The following ANKFN1 variants were observed in gnomAD, a reference collection of about 807,000 sequenced individuals.
ANKFN1 encodes the protein ankyrin repeat and fibronectin type III domain containing 1.
In ANKFN1, 74 loss-of-function variants were observed where a neutral mutation model predicts 108.7. The observed-to-expected ratio is 0.68, with a 90% CI of 0.56 to 0.83. The LOEUF is 0.83. Ranked by LOEUF, ANKFN1 falls within the 40% of genes least tolerant of loss-of-function variation. The pLI, the probability that ANKFN1 is intolerant of heterozygous loss-of-function variation, is 0.00. For missense variants in ANKFN1, 1,505 were observed against 1,382.3 expected, an observed-to-expected ratio of 1.09 and a Z score of -1.41; for synonymous variants, 547 against 516.2, an observed-to-expected ratio of 1.06 and a Z score of -0.81.
rs571675415 is a variant in ANKFN1 at position 56,134,958 on chromosome 17, G to A, written c.288+88633G>A. Among the ~76,000 whole-genome samples the A allele has an allele frequency of 1.1e-3, 169 of 152,216 alleles. 1 individual carries two copies. Among genetic ancestry groups the A allele is most frequent in the Non-Finnish European group, 2.0e-3 (139 of 68,008 alleles). Reference sequence around the variant, plus strand: ...GTTGTGATTTCAGAGTTGAGTAGGGGCACTCTTTTTCCTGAAGGCTGAATC... The same window carrying A: ...GTTGTGATTTCAGAGTTGAGTAGGGACACTCTTTTTCCTGAAGGCTGAATC... On this transcript the variant is annotated intron_variant, in intron 4 of 12. Transcript: ENST00000635860.
chr17:56,090,351 G>A (rs1046103918), intron 4 of ANKFN1, among the ~76,000 whole-genome samples: 1 of 151,230 alleles, frequency 6.6e-6, no homozygotes, highest in Admixed American at 6.6e-5. Context: ...GGTAAACTTT[G>A]TAAGGACTTC....
At chr17:56,258,228 T>A (rs1382272788) in intron 3 of ANKFN1, 1 of 152,224 alleles carries the variant, frequency 6.6e-6, no homozygotes. Flanking sequence ...CTTTACCTGT[T>A]AGGTGAACTT....
intron 3 of ANKFN1, among the ~76,000 whole-genome samples, chr17:56,306,192 CG>C (rs2044819043): frequency 6.6e-6 from 1 of 152,174 alleles, no homozygotes; most frequent in Non-Finnish European, 1.5e-5. Flanking sequence ...ACCTAAAAAA[CG>C]TCTTGCTGAG....
At chr17:56,500,468 A>G (rs1210181325) in intron 20 of ANKFN1, among the ~76,000 whole-genome samples, 1 of 152,208 alleles carries the variant, frequency 6.6e-6, no homozygotes. Flanking sequence ...TACAAATCAA[A>G]TATCATCTCT....
chr17:56,288,991 T>G (rs2044291533), intron 3 of ANKFN1, among the ~76,000 whole-genome samples: 12 of 152,214 alleles, frequency 7.9e-5, no homozygotes, highest in Admixed American at 7.9e-4. Context: ...CACCCATGTG[T>G]GTGCACCGAC....
rs144345711 is a variant in ANKFN1, at chr17:56,244,921, G to A, written c.53+16964G>A. ...ATTCAAATTTCAACACATTTCCTTA[G>A]TCTTTGTAATTAAGGTTTTTCTAAT... On this transcript the variant is annotated intron_variant, in intron 3 of 20. Coordinates refer to ENST00000682825, the MANE Select transcript of ANKFN1 (RefSeq NM_001370326.1). 1.8e-3 allele frequency among the ~76,000 whole-genome samples: 279 copies of A among 152,130 alleles called. 1 individual carries two copies. Among genetic ancestry groups the A allele is most frequent in the African/African-American group, 6.2e-3 (258 of 41,526 alleles).
intron 4 of ANKFN1, among the ~76,000 whole-genome samples, chr17:56,095,102 C>T (rs1285732286): frequency 6.6e-6 from 1 of 150,966 alleles, no homozygotes; most frequent in Admixed American, 6.6e-5. Context: ...ATGTACTGTG[C>T]AAGCAAAAGA....
At position 56,357,490 on chromosome 17, in the gene ANKFN1, G is replaced by A. The variant is rs369766551; in HGVS notation, c.601+3444G>A. ...CCTTTCCACATAACCAATATGGAGG[G>A]CCGTGGCCTCTGGGCCCCTGCATCT... On this transcript the variant is annotated intron_variant, in intron 6 of 20. Coordinates refer to ENST00000682825, the MANE Select transcript of ANKFN1 (RefSeq NM_001370326.1). Among the ~76,000 whole-genome samples, 4 of 152,302 alleles carry A rather than the reference G, an allele frequency of 2.6e-5. No individual in the cohort carries two copies. The East Asian group carries it at 7.7e-4, about 29-fold the overall frequency.
chr17:56,314,874 A>G (rs1218018556), intron 3 of ANKFN1, among the ~76,000 whole-genome samples: 1 of 152,312 alleles, frequency 6.6e-6, no homozygotes, highest in East Asian at 1.9e-4. Context: ...GAATGATTTT[A>G]CATTAACTGA....
chr17:56,115,816 A>G (rs952991989), intron 4 of ANKFN1, among the ~76,000 whole-genome samples: 4 of 152,136 alleles, frequency 2.6e-5, no homozygotes, highest in Non-Finnish European at 1.5e-5. Flanking sequence ...CAGGACTCTC[A>G]GTTTTCTTAG....
At chr17:56,137,116 G>A (rs1324806709) in intron 4 of ANKFN1, among the ~76,000 whole-genome samples, 1 of 152,220 alleles carries the variant, frequency 6.6e-6, no homozygotes, top group African/African-American at 2.4e-5. Context: ...TTAGGGAAGA[G>A]AGATGTGAAA....
chr17:56,271,765 G>A (rs1457104713), intron 3 of ANKFN1, among the ~76,000 whole-genome samples: 1 of 152,206 alleles, frequency 6.6e-6, no homozygotes, highest in African/African-American at 2.4e-5. Flanking sequence ...AGAGACCAGA[G>A]TGGCTCAGGG....
At chr17:56,325,324 C>T in intron 3 of ANKFN1, among the ~76,000 whole-genome samples, 2 of 151,822 alleles carry the variant, frequency 1.3e-5, no homozygotes. Flanking sequence ...TGCTATCAAT[C>T]GGCAAGTCCC....
At chr17:56,450,259 A>G (rs987854118) in intron 11 of ANKFN1, among the ~76,000 whole-genome samples, 1 of 150,906 alleles carries the variant, frequency 6.6e-6, no homozygotes, top group Admixed American at 6.6e-5. Flanking sequence ...AAAATAGCAA[A>G]TTTTTTAAAA....
At chr17:56,109,559 G>A (rs1305394839) in intron 4 of ANKFN1, among the ~76,000 whole-genome samples, 2 of 152,092 alleles carry the variant, frequency 1.3e-5, no homozygotes, top group Non-Finnish European at 2.9e-5. Context: ...CACATGCACT[G>A]CCATAATCAG....
chr17:56,153,348 TG>T, upstream of ANKFN1: 2 of 784,052 alleles, frequency 2.6e-6, no homozygotes, highest in South Asian at 1.6e-5. Flanking sequence ...CACTGTAATC[TG>T]GACACTCCTG....
intron 2 of ANKFN1, among the ~76,000 whole-genome samples, chr17:56,220,843 G>GAA (rs1915819939): frequency 2.3e-5 from 2 of 86,788 alleles, no homozygotes; most frequent in African/African-American, 1.5e-4. Context: ...AGGAAGGGAG[G>GAA]GAGGGAGGAA....
chr17:56,477,785 A>G (rs2050556397), intron 16 of ANKFN1, 131 bp downstream of exon 16: 2 of 921,378 alleles, frequency 2.2e-6, no homozygotes, highest in Non-Finnish European at 3.3e-6. Context: ...CAGATGCCAC[A>G]CTGAAGTGGG....
At chr17:56,345,970 A>G (rs1250190255) in intron 4 of ANKFN1, among the ~76,000 whole-genome samples, 1 of 152,082 alleles carries the variant, frequency 6.6e-6, no homozygotes, top group East Asian at 1.9e-4. Context: ...GCCCATGCCT[A>G]TGTCCTGAAT....
Sources: gnomAD v4.1 joint callset for allele counts (sites outside exome capture counted in the v4.1 genomes callset) on GRCh38, gnomAD v4.1.1 for gene constraint, MANE v1.5 for transcripts, NCBI Gene and HGNC (gene_info 2026-07-23, HGNC 2026-07-21) for gene names.